The following PCDH7 variants were observed in gnomAD, a reference collection of about 807,000 sequenced individuals.
PCDH7 encodes protocadherin 7.
Under a neutral mutation model 58.9 loss-of-function variants are expected in PCDH7, and 17 were observed. The ratio of observed to expected loss-of-function variants is 0.29; its 90% CI spans 0.20 to 0.43. The LOEUF is 0.43. PCDH7 is among the 20% of genes least tolerant of loss of function. The pLI, the probability that PCDH7 is intolerant of heterozygous loss-of-function variation, is 1.00. For synonymous variants in PCDH7, 664 were observed against 616.4 expected, an observed-to-expected ratio of 1.08 and a Z score of -1.14; for missense variants, 1,274 against 1,441.0, an observed-to-expected ratio of 0.88 and a Z score of 1.88.
At chr4:30,880,648 T>G (rs1736847740) in intron 1 of PCDH7, among the ~76,000 whole-genome samples, 2 of 152,192 alleles carry the variant, frequency 1.3e-5, no homozygotes, top group African/African-American at 4.8e-5. Flanking sequence ...TTTTTCTCTC[T>G]TACTGTCCTA....
chr4:30,770,690 T>G (rs1721290972), intron 1 of PCDH7, among the ~76,000 whole-genome samples: 1 of 152,166 alleles, frequency 6.6e-6, no homozygotes. Flanking sequence ...AAATTCCTAT[T>G]AAGTACATAG....
At chr4:31,110,293 G>A (rs943033724) in intron 3 of PCDH7, among the ~76,000 whole-genome samples, 1 of 152,142 alleles carries the variant, frequency 6.6e-6, no homozygotes, top group African/African-American at 2.4e-5. Context: ...TTTATTTTCA[G>A]CAAAGCTGCT....
exon 2 of PCDH7, chr4:30,731,472 AT>A (rs1026314774): frequency 6.6e-6 from 1 of 152,102 alleles, no homozygotes; most frequent in African/African-American, 2.4e-5. Context: ...TAATGGATTG[AT>A]TTTTTTCTTA....
chr4:30,739,160 T>TATATATTTTATATATATTATATA (rs1553876261), intron 1 of PCDH7, among the ~76,000 whole-genome samples: 2 of 145,438 alleles, frequency 1.4e-5, no homozygotes, highest in African/African-American at 5.0e-5. Flanking sequence ...TATATATATA[T>TATATATTTTATATATATTATATA]TATATATATA....
chr4:31,103,736 C>G (rs534891768), intron 3 of PCDH7, among the ~76,000 whole-genome samples: 29 of 152,296 alleles, frequency 1.9e-4, no homozygotes, highest in Non-Finnish European at 3.7e-4. Context: ...TTCCATTCCC[C>G]TCTATGAATA....
At chr4:30,849,569 C>T (rs1732446428) in intron 1 of PCDH7, among the ~76,000 whole-genome samples, 1 of 152,114 alleles carries the variant, frequency 6.6e-6, no homozygotes, top group South Asian at 2.1e-4. Flanking sequence ...TGTGTAGCTT[C>T]TGCTTACTCC....
At chr4:30,792,015 A>C (rs1009617771) in intron 1 of PCDH7, among the ~76,000 whole-genome samples, 1 of 152,222 alleles carries the variant, frequency 6.6e-6, no homozygotes, top group East Asian at 1.9e-4. Flanking sequence ...ATATTTGATG[A>C]GGATTTTATT....
intron 3 of PCDH7, among the ~76,000 whole-genome samples, chr4:30,988,149 G>C (rs1003752754): frequency 2.6e-5 from 4 of 152,178 alleles, no homozygotes; most frequent in Admixed American, 2.6e-4. Flanking sequence ...CACCACGTGA[G>C]AAAGGAATAT....
intron 3 of PCDH7, among the ~76,000 whole-genome samples, chr4:31,055,186 A>T (rs916931345): frequency 3.9e-5 from 6 of 152,172 alleles, no homozygotes; most frequent in Non-Finnish European, 8.8e-5. Flanking sequence ...TCCATCTTCA[A>T]GTGAAATGTT....
intron 1 of PCDH7, among the ~76,000 whole-genome samples, chr4:30,815,385 A>C (rs1727543050): frequency 6.6e-6 from 1 of 152,146 alleles, no homozygotes. Flanking sequence ...GAGCAGGAAC[A>C]AAAGGAAGTA....
intron 2 of PCDH7, among the ~76,000 whole-genome samples, chr4:30,926,751 T>A (rs1167598057): frequency 6.6e-6 from 1 of 152,184 alleles, no homozygotes; most frequent in African/African-American, 2.4e-5. Flanking sequence ...GTGTTCTTTG[T>A]CATTCAAGGT....
At position 31,079,309 on chromosome 4, in the gene PCDH7, GATATATATATATATATAT is replaced by G. The variant is rs149501069; in HGVS notation, c.*8-63126_*8-63109del. On this transcript the variant is annotated intron_variant, in intron 3 of 3. Transcript: ENST00000509759. ...GTAAAAGATATTTACAATACTGGAA[GATATATATATATATATAT>G]ATATATATATATATATATATATATA... is the stretch of plus-strand genomic sequence containing the variant. 9.7e-3 allele frequency among the ~76,000 whole-genome samples: 651 copies of G among 67,436 alleles called. 10 individuals carry two copies. The highest frequency in any genetic ancestry group is 0.045 in the Admixed American group (206 of 4,568). 44.2% of individuals were successfully genotyped at this position (67,436 alleles called of 152,430 possible). A position where few individuals can be genotyped will look rare whatever the true frequency, so the allele number is the denominator to read the frequency against.
At chr4:30,815,744 A>T (rs1209883908) in intron 1 of PCDH7, among the ~76,000 whole-genome samples, 1 of 152,212 alleles carries the variant, frequency 6.6e-6, no homozygotes, top group Non-Finnish European at 1.5e-5. Context: ...ATGAGATCTT[A>T]TTGGGAAGCT....
At chr4:30,898,150 AG>A (rs2109391642) in intron 1 of PCDH7, among the ~76,000 whole-genome samples, 1 of 152,206 alleles carries the variant, frequency 6.6e-6, no homozygotes, top group East Asian at 1.9e-4. Context: ...AAGTAGCCTC[AG>A]GGGGAAAAAC....
intron 3 of PCDH7, among the ~76,000 whole-genome samples, chr4:31,009,118 C>G (rs1441963869): frequency 6.6e-6 from 1 of 152,014 alleles, no homozygotes; most frequent in Non-Finnish European, 1.5e-5. Flanking sequence ...AACACTTGGT[C>G]TGCGTAATTA....
intron 1 of PCDH7, among the ~76,000 whole-genome samples, chr4:30,747,080 T>C (rs1479275698): frequency 6.6e-6 from 1 of 152,216 alleles, no homozygotes; most frequent in Admixed American, 6.5e-5. Flanking sequence ...TTGAATTATT[T>C]TTTCCATCAT....
At chr4:31,131,455 T>C (rs151020595) in intron 3 of PCDH7, among the ~76,000 whole-genome samples, 1 of 152,272 alleles carries the variant, frequency 6.6e-6, no homozygotes, top group Non-Finnish European at 1.5e-5. Context: ...TGATTGCCAA[T>C]TTTACTTTCA....
chr4:30,746,840 C>A (rs982304169), intron 1 of PCDH7, among the ~76,000 whole-genome samples: 1 of 151,794 alleles, frequency 6.6e-6, no homozygotes, highest in Non-Finnish European at 1.5e-5. Flanking sequence ...TCTTTTATTC[C>A]TCTCCTTTCT....
intron 3 of PCDH7, among the ~76,000 whole-genome samples, chr4:31,014,644 A>AT (rs1269939977): frequency 3.3e-5 from 5 of 152,166 alleles, no homozygotes; most frequent in African/African-American, 9.7e-5. Context: ...ATGAGAATAC[A>AT]TTTTTTTCTG....
Sources: gnomAD v4.1 joint callset for allele counts (sites outside exome capture counted in the v4.1 genomes callset) on GRCh38, gnomAD v4.1.1 for gene constraint, MANE v1.5 for transcripts, NCBI Gene and HGNC (gene_info 2026-07-23, HGNC 2026-07-21) for gene names.